The following CDK14 variants were observed in gnomAD, a reference collection of about 807,000 sequenced individuals.
The protein encoded by CDK14 is cyclin dependent kinase 14.
In CDK14, 34 loss-of-function variants were observed where a neutral mutation model predicts 60.7. That is an observed-to-expected ratio of 0.56 (90% CI 0.43 to 0.75). CDK14 has a LOEUF of 0.75. Ranked by LOEUF, CDK14 falls within the 30% of genes least tolerant of loss-of-function variation. The pLI is 0.00. For missense variants in CDK14, 482 were observed against 564.1 expected (o/e 0.85, Z 1.47); for synonymous variants, 197 against 203.7 (o/e 0.97, Z 0.28).
intron 14 of CDK14, among the ~76,000 whole-genome samples, chr7:91,205,678 AT>A (rs938021787): frequency 2.5e-4 from 38 of 152,374 alleles, no homozygotes; most frequent in African/African-American, 8.4e-4. Context: ...TAAATGATTA[AT>A]TTTTTATATA....
At chr7:90,843,683 A>G (rs1387116094) in intron 5 of CDK14, among the ~76,000 whole-genome samples, 1 of 152,074 alleles carries the variant, frequency 6.6e-6, no homozygotes, top group Admixed American at 6.6e-5. Flanking sequence ...GAAGACACAT[A>G]ATCTGTGCAT....
intron 11 of CDK14, among the ~76,000 whole-genome samples, chr7:91,063,035 T>G (rs1035778238): frequency 1.3e-5 from 2 of 152,216 alleles, no homozygotes; most frequent in Non-Finnish European, 2.9e-5. Flanking sequence ...TACCACTGTT[T>G]ATGCAAACTG....
chr7:90,683,893 T>A (rs1041455876), intron 2 of CDK14, among the ~76,000 whole-genome samples: 9 of 134,128 alleles, frequency 6.7e-5, no homozygotes, highest in Non-Finnish European at 1.1e-4. Flanking sequence ...AGCTAGAAAA[T>A]GTACGTGTGT....
intron 2 of CDK14, among the ~76,000 whole-genome samples, chr7:90,690,607 A>G (rs1242896832): frequency 6.6e-6 from 1 of 152,180 alleles, no homozygotes; most frequent in East Asian, 1.9e-4. Flanking sequence ...TAGAAGCACG[A>G]AAGATTGTGT....
intron 11 of CDK14, among the ~76,000 whole-genome samples, chr7:91,055,167 T>C (rs1008279625): frequency 2.0e-5 from 3 of 152,152 alleles, no homozygotes; most frequent in Admixed American, 6.5e-5. Flanking sequence ...TTTTTCCTCA[T>C]AGGTCCATAG....
chr7:90,912,616 GT>G (rs1250298574), intron 7 of CDK14, among the ~76,000 whole-genome samples: 1 of 152,074 alleles, frequency 6.6e-6, no homozygotes, highest in Non-Finnish European at 1.5e-5. Flanking sequence ...TTATTCATTT[GT>G]TTGTTTTTGA....
intron 6 of CDK14, among the ~76,000 whole-genome samples, chr7:90,885,690 A>G (rs1439709487): frequency 6.6e-6 from 1 of 152,244 alleles, no homozygotes; most frequent in Middle Eastern, 3.2e-3. Flanking sequence ...GATAGACTGG[A>G]TAAAGAAAAT....
intron 2 of CDK14, among the ~76,000 whole-genome samples, chr7:90,711,032 A>G (rs556781637): frequency 6.6e-6 from 1 of 152,094 alleles, no homozygotes; most frequent in East Asian, 1.9e-4. Flanking sequence ...CCACTTGTGT[A>G]TAGTTTAATT....
intron 6 of CDK14, among the ~76,000 whole-genome samples, chr7:90,879,503 AC>A (rs1165800868): frequency 6.6e-6 from 1 of 152,106 alleles, no homozygotes; most frequent in African/African-American, 2.4e-5. Context: ...CATCAGAAAA[AC>A]CATAATAAGT....
chr7:91,112,562 C>T lies in CDK14; in HGVS notation c.1175C>T (p.Ala392Val). 6.2e-7 allele frequency: 1 copy of T among 1,613,606 alleles called. No individual in the cohort carries two copies. Among genetic ancestry groups the T allele is most frequent in the Non-Finnish European group, 8.5e-7 (1 of 1,179,732 alleles). ...TTTAGGCTCAGCTATGTGAACCATG[C>T]AGAGGACCTGGCCTCCAAGCTCCTA... The part of the protein sequence containing the change: ...AWNKLSYVNH[A>V]EDLASKLLQC... Residue 392 changes from alanine (A) to valine (V), a missense_variant, in exon 13 of 15, where the codon GCA (alanine) becomes GTA (valine). Coordinates refer to ENST00000380050, the MANE Select transcript of CDK14 (RefSeq NM_001287135.2).
chr7:90,885,418 T>C (rs769206292), intron 6 of CDK14, among the ~76,000 whole-genome samples: 1 of 151,968 alleles, frequency 6.6e-6, no homozygotes, highest in Non-Finnish European at 1.5e-5. Flanking sequence ...TATTAAAAAG[T>C]CGGGAAACAA....
At chr7:90,831,083 T>G (rs1317192363) in intron 5 of CDK14, among the ~76,000 whole-genome samples, 2 of 152,172 alleles carry the variant, frequency 1.3e-5, no homozygotes, top group African/African-American at 4.8e-5. Context: ...ATTACCCAGT[T>G]CCAAAGTCAC....
At chr7:90,726,502 T>G in intron 2 of CDK14, 65 bp from the exon 3 acceptor site, 1 of 1,515,104 alleles carries the variant, frequency 6.6e-7, no homozygotes, top group Admixed American at 1.8e-5. Context: ...GAGTTATATA[T>G]TGGCATGTTT....
At chr7:90,943,418 G>A (rs1793993071) in intron 8 of CDK14, among the ~76,000 whole-genome samples, 3 of 152,096 alleles carry the variant, frequency 2.0e-5, no homozygotes, top group Admixed American at 6.5e-5. Flanking sequence ...TAGAGATTGA[G>A]ATGTAATATA....
intron 10 of CDK14, among the ~76,000 whole-genome samples, chr7:91,010,205 T>A (rs1796109973): frequency 6.6e-6 from 1 of 152,116 alleles, no homozygotes; most frequent in Non-Finnish European, 1.5e-5. Context: ...TATAAGTCAT[T>A]CAACTTATAC....
At chr7:90,693,647 T>G (rs1801600294) in intron 2 of CDK14, among the ~76,000 whole-genome samples, 1 of 152,184 alleles carries the variant, frequency 6.6e-6, no homozygotes, top group Non-Finnish European at 1.5e-5. Context: ...TCCAATTCAT[T>G]GGCCTCAGTG....
At chr7:91,061,214 C>G (rs914121303) in intron 11 of CDK14, among the ~76,000 whole-genome samples, 3 of 152,200 alleles carry the variant, frequency 2.0e-5, no homozygotes, top group African/African-American at 7.2e-5. Context: ...CTTGTGCATT[C>G]GTCATGTAGT....
chr7:91,106,260 A>G (rs555543417), intron 12 of CDK14, among the ~76,000 whole-genome samples: 43 of 152,322 alleles, frequency 2.8e-4, no homozygotes, highest in African/African-American at 8.7e-4. Flanking sequence ...GGCAGAAACA[A>G]CAGAAGCCTA....
chr7:90,805,507 CA>C (rs1788790515), intron 5 of CDK14, among the ~76,000 whole-genome samples: 2 of 151,846 alleles, frequency 1.3e-5, no homozygotes, highest in Non-Finnish European at 2.9e-5. Flanking sequence ...ATTTAGAATA[CA>C]ATACCACTTA....
Sources: allele counts gnomAD v4.1 joint callset (sites outside exome capture counted in the v4.1 genomes callset), GRCh38; gene constraint gnomAD v4.1.1; transcripts MANE v1.5; gene names NCBI Gene and HGNC (gene_info 2026-07-23, HGNC 2026-07-21).